FBLN7: variants seen among roughly 807,000 people sequenced by gnomAD.
FBLN7 encodes fibulin 7.
Under a neutral mutation model 44.0 loss-of-function variants are expected in FBLN7, and 31 were observed. That is an observed-to-expected ratio of 0.70 (90% CI 0.53 to 0.95). FBLN7 has a LOEUF of 0.95. Among genes scored for constraint, FBLN7 ranks in the 40% least tolerant of loss-of-function variants. FBLN7 has a pLI of 0.00. For missense variants in FBLN7, 573 were observed against 618.5 expected (o/e 0.93, Z 0.78); for synonymous variants, 262 against 253.4 (o/e 1.03, Z -0.32).
At chr2:112,195,030 A>G in the FBLN7 span, among the ~76,000 whole-genome samples, 1 of 152,210 alleles carries the variant, frequency 6.6e-6, no homozygotes, top group African/African-American at 2.4e-5. Context: ...AGAAGTTGGC[A>G]CTTGATTCAT....
At chr2:112,233,640 C>T in the FBLN7 span, among the ~76,000 whole-genome samples, 4 of 151,918 alleles carry the variant, frequency 2.6e-5, no homozygotes, top group African/African-American at 9.7e-5. Context: ...GGCCGAGGTG[C>T]GCGGATCATG....
intron 2 of FBLN7, among the ~76,000 whole-genome samples, chr2:112,162,710 AT>A (rs1385075462): frequency 6.6e-6 from 1 of 152,182 alleles, no homozygotes; most frequent in Non-Finnish European, 1.5e-5. Flanking sequence ...TTTTTAATTA[AT>A]TTGTATCCAT....
chr2:112,203,794 A>G, the FBLN7 span, among the ~76,000 whole-genome samples: 1 of 152,324 alleles, frequency 6.6e-6, no homozygotes, highest in East Asian at 1.9e-4. Flanking sequence ...CTTACATGGC[A>G]GTGGCAAGAG....
At chr2:112,142,768 T>G (rs74267323) in intron 1 of FBLN7, among the ~76,000 whole-genome samples, 2 of 151,330 alleles carry the variant, frequency 1.3e-5, no homozygotes, top group Non-Finnish European at 2.9e-5. Context: ...ATGTGTGTGT[T>G]TGTGTGTGTG....
the FBLN7 span, chr2:112,236,617 C>A: frequency 6.2e-7 from 1 of 1,614,026 alleles, no homozygotes; most frequent in Non-Finnish European, 8.5e-7. Flanking sequence ...GTTTCCAGGG[C>A]CAGGCCATTT....
Position 112,187,486 on chromosome 2 carries a change from G to A in FBLN7, c.1300G>A (p.Val434Ile), listed in dbSNP as rs1683329768. ...CCACGTGTCCAAGGTCACCATCTTT[G>A]TATCCCCCTATGACTTCTGAGGGTA... The part of the protein sequence containing the change: ...ANHVSKVTIF[V>I]SPYDF Residue 434 changes from valine (V) to isoleucine (I), a missense_variant, in exon 8 of 8, where the codon GTA (valine) becomes ATA (isoleucine). Coordinates refer to ENST00000331203, the MANE Select transcript of FBLN7 (RefSeq NM_153214.3). The surrounding 1 kb of genome is among the most constrained non-coding windows in gnomAD (Gnocchi z 5.1). 1 of 1,614,116 alleles carries A rather than the reference G, an allele frequency of 6.2e-7. No individual in the cohort carries two copies. Among genetic ancestry groups the A allele is most frequent in the African/African-American group, 1.3e-5 (1 of 75,036 alleles).
At chr2:112,143,266 C>A (rs1277745295) in intron 1 of FBLN7, among the ~76,000 whole-genome samples, 1 of 152,186 alleles carries the variant, frequency 6.6e-6, no homozygotes, top group African/African-American at 2.4e-5. Context: ...AAGAGAAACA[C>A]CTCATTGGGG....
At chr2:112,220,737 C>T in the FBLN7 span, among the ~76,000 whole-genome samples, 2 of 152,222 alleles carry the variant, frequency 1.3e-5, no homozygotes, top group Non-Finnish European at 2.9e-5. Flanking sequence ...AGGAGAATCA[C>T]TTGAATCTGG....
At chr2:112,211,355 C>T in the FBLN7 span, among the ~76,000 whole-genome samples, 1 of 152,022 alleles carries the variant, frequency 6.6e-6, no homozygotes, top group Non-Finnish European at 1.5e-5. Context: ...TGCCCACATC[C>T]AAGAGGAGGA....
chr2:112,210,431 G>A, the FBLN7 span, among the ~76,000 whole-genome samples: 8 of 152,170 alleles, frequency 5.3e-5, no homozygotes, highest in African/African-American at 1.9e-4. Flanking sequence ...CAAGACAGAT[G>A]GATCACCTGA....
At chr2:112,173,847 A>G (rs1682598735) in intron 3 of FBLN7, among the ~76,000 whole-genome samples, 1 of 152,262 alleles carries the variant, frequency 6.6e-6, no homozygotes, top group South Asian at 2.1e-4. Context: ...CTGATTGCAT[A>G]TCAAGATAAC....
chr2:112,243,702 G>A, the FBLN7 span, among the ~76,000 whole-genome samples: 2 of 151,984 alleles, frequency 1.3e-5, no homozygotes, highest in Admixed American at 6.5e-5. Flanking sequence ...ATATAAATAC[G>A]TACATAACAT....
chr2:112,138,576 G>T lies in FBLN7; in HGVS notation c.-80G>T. The T allele has an allele frequency of 1.0e-5, 16 of 1,603,060 alleles. No individual in the cohort carries two copies. Among genetic ancestry groups the T allele is most frequent in the Non-Finnish European group, 1.4e-5 (16 of 1,173,968 alleles). On this transcript the variant is annotated 5_prime_UTR_variant, in exon 1 of 8. Transcript: ENST00000331203. The stretch of plus-strand genomic sequence containing the variant: ...CGGCGCCCCGCACCCTGCAGGGACG[G>T]CTGCCGCATCGCTGGGACAAACTCG...
At chr2:112,183,866 T>C (rs1187121424) in intron 6 of FBLN7, among the ~76,000 whole-genome samples, 4 of 151,904 alleles carry the variant, frequency 2.6e-5, no homozygotes, top group Admixed American at 2.0e-4. Flanking sequence ...GCAGAGTGGG[T>C]TGGTTGTAGA....
At position 112,187,789 on chromosome 2, in the gene FBLN7, C is replaced by T; in HGVS notation, c.*283C>T. On this transcript the variant is annotated 3_prime_UTR_variant, in exon 8 of 8. Coordinates refer to ENST00000331203, the MANE Select transcript of FBLN7 (RefSeq NM_153214.3). This position sits in a 1 kb window ranked among gnomAD's most constrained non-coding sequence, Gnocchi z 5.1. ...ACTTTTTCATCCAGGGGATGGGTGG[C>T]TTTCCAAAATGCTGTGCAAATGGCC... 2 of 515,318 alleles carry T rather than the reference C, an allele frequency of 3.9e-6. No homozygotes were observed. The highest frequency in any genetic ancestry group is 6.8e-6 in the Non-Finnish European group (2 of 294,842). The allele number at this position is 515,318 out of a possible 1,614,324, so 31.9% of individuals were successfully genotyped here. A position where few individuals can be genotyped will look rare whatever the true frequency, so the allele number is the denominator to read the frequency against.
the FBLN7 span, among the ~76,000 whole-genome samples, chr2:112,197,272 C>G: frequency 5.4e-4 from 65 of 119,904 alleles, no homozygotes; most frequent in East Asian, 6.5e-3. Flanking sequence ...CACACACACA[C>G]ACAGAGAGAG....
chr2:112,209,302 G>A, the FBLN7 span, among the ~76,000 whole-genome samples: 1 of 152,140 alleles, frequency 6.6e-6, no homozygotes, highest in Non-Finnish European at 1.5e-5. Flanking sequence ...CTGCTTCTCT[G>A]GAGGTGTTTT....
At chr2:112,180,824 G>A (rs1011534866) in intron 4 of FBLN7, among the ~76,000 whole-genome samples, 5 of 150,096 alleles carry the variant, frequency 3.3e-5, no homozygotes, top group Non-Finnish European at 7.4e-5. Flanking sequence ...TTAGGAGGCT[G>A]AGGCAGGAGA....
At chr2:112,218,515 A>C in the FBLN7 span, among the ~76,000 whole-genome samples, 1 of 152,246 alleles carries the variant, frequency 6.6e-6, no homozygotes, top group Non-Finnish European at 1.5e-5. Context: ...AACAATGAAC[A>C]GTCTAAAAAG....
Sources: allele counts gnomAD v4.1 joint callset (sites outside exome capture counted in the v4.1 genomes callset), GRCh38; gene constraint gnomAD v4.1.1; non-coding constraint Gnocchi (gnomAD v3.1); transcripts MANE v1.5; gene names NCBI Gene and HGNC (gene_info 2026-07-23, HGNC 2026-07-21).